Variants in AQR observed in about 807,000 individuals in gnomAD.
AQR encodes aquarius intron-binding spliceosomal factor, also known as RNA helicase aquarius.
AQR carries 61 observed loss-of-function variants against 180.5 expected under a neutral mutation model. The observed-to-expected ratio is 0.34, with a 90% CI of 0.28 to 0.42. The LOEUF (loss-of-function observed/expected upper bound fraction) is 0.42, where lower values mean the gene tolerates loss of function less well. AQR is among the 10% of genes least tolerant of loss of function. The pLI is 1.00. For missense variants in AQR, 1,281 were observed against 1,798.3 expected (o/e 0.71, Z 5.20); for synonymous variants, 551 against 588.8 (o/e 0.94, Z 0.93).
At chr15:34,874,376 T>A (rs575834985) in intron 29 of AQR, 10 of 343,182 alleles carry the variant, frequency 2.9e-5, no homozygotes, top group Non-Finnish European at 5.2e-5. Context: ...ATTTTTAGAT[T>A]TTAAAATTAT....
In AQR at chr15:34,882,656, C is replaced by T; in HGVS notation, c.3028-17G>A. On this transcript the variant is annotated splice_polypyrimidine_tract_variant and intron_variant, in intron 26 of 34. Coordinates refer to ENST00000156471, the MANE Select transcript of AQR (RefSeq NM_014691.3). ...TCTGAATTCCTATGGAAACGAGGAGCAATGAAAGATAATTTTAGGAAAACG... is the reference window on the plus strand; with the variant it reads ...TCTGAATTCCTATGGAAACGAGGAGTAATGAAAGATAATTTTAGGAAAACG... 1 of 1,587,276 alleles carries T rather than the reference C, an allele frequency of 6.3e-7. No individual in the cohort carries two copies.
intron 8 of AQR, 44 bp from the exon 9 acceptor site, chr15:34,938,857 T>A: frequency 7.2e-7 from 1 of 1,386,278 alleles, no homozygotes; most frequent in Non-Finnish European, 1.0e-6. Flanking sequence ...TGAAGAATAG[T>A]CATTTCAAAA....
Position 34,900,629 on chromosome 15 carries a change from G to A in AQR, c.2236C>T (p.Pro746Ser). The A allele has an allele frequency of 6.2e-7, 1 of 1,613,602 alleles. No individual in the cohort carries two copies. The highest frequency in any genetic ancestry group is 1.1e-5 in the South Asian group (1 of 90,992). The change falls in exon 20 of 35, where the codon CCT becomes TCT. Residue 746 changes from proline to serine, a missense_variant. Pro to Ser is a moderately conservative substitution (Grantham distance 74, BLOSUM62 -1). Coordinates refer to ENST00000156471, the MANE Select transcript of AQR (RefSeq NM_014691.3). The stretch of plus-strand genomic sequence containing the variant: ...ACCCAGTTCTGACTTTACCTGAAAG[G>A]GGGTATTTGTAGAGCAGGGTCTTCT... ...TVEDPALQIPPFRITFPVRSG... is the reference protein window; with the variant it reads ...TVEDPALQIPSFRITFPVRSG...
At chr15:34,947,455 T>C (rs1381806365) in intron 5 of AQR, among the ~76,000 whole-genome samples, 2 of 145,620 alleles carry the variant, frequency 1.4e-5, no homozygotes, top group Non-Finnish European at 3.0e-5. Flanking sequence ...TCCACTATTG[T>C]CCTGTGACCC....
chr15:34,873,763 C>A, intron 30 of AQR, 65 bp downstream of exon 30: 1 of 1,345,374 alleles, frequency 7.4e-7, no homozygotes, highest in South Asian at 2.0e-5. Flanking sequence ...TTAAGTATCA[C>A]TGATTTAGGC....
intron 17 of AQR, among the ~76,000 whole-genome samples, chr15:34,908,626 AAAATGT>A (rs1893455042): frequency 6.6e-6 from 1 of 152,154 alleles, no homozygotes; most frequent in African/African-American, 2.4e-5. Context: ...CTTGCCCATC[AAAATGT>A]ACCCTGTCCA....
At chr15:34,879,954 A>G (rs1317789919) in intron 27 of AQR, among the ~76,000 whole-genome samples, 1 of 152,214 alleles carries the variant, frequency 6.6e-6, no homozygotes, top group African/African-American at 2.4e-5. Context: ...CCAGGGACCC[A>G]GGAAAGTAAG....
chr15:34,956,696 GAAAAAAAAAAA>G (rs565202160), intron 3 of AQR, among the ~76,000 whole-genome samples: 4 of 83,370 alleles, frequency 4.8e-5, no homozygotes, highest in Non-Finnish European at 8.7e-5. Flanking sequence ...TAAGAAGTCA[GAAAAAAAAAAA>G]AAAAAAAAAG....
At chr15:34,959,012 TATAG>T (rs1409992939) in intron 3 of AQR, among the ~76,000 whole-genome samples, 1 of 90,230 alleles carries the variant, frequency 1.1e-5, no homozygotes, top group African/African-American at 2.9e-5. Flanking sequence ...TAGATATAGA[TATAG>T]ATATAGATAT....
rs770356308 is a variant in AQR at position 34,874,016 on chromosome 15, T to A, written c.3426-17A>T. On this transcript the variant is annotated splice_polypyrimidine_tract_variant and intron_variant, in intron 29 of 34. Coordinates refer to ENST00000156471, the MANE Select transcript of AQR (RefSeq NM_014691.3). ...TTGCACAAGCTTTCCAAAGACAAATTCCCCCACAAACAGAAAATATTAGCA... is the reference window on the plus strand; with the variant it reads ...TTGCACAAGCTTTCCAAAGACAAATACCCCCACAAACAGAAAATATTAGCA... The A allele has an allele frequency of 7.6e-6, 12 of 1,580,210 alleles. No homozygotes were observed. In the South Asian group the frequency reaches 1.3e-4, roughly 17 times the overall value.
intron 10 of AQR, among the ~76,000 whole-genome samples, chr15:34,933,483 A>G (rs1337373891): frequency 6.6e-6 from 1 of 150,574 alleles, no homozygotes; most frequent in Non-Finnish European, 1.5e-5. Context: ...AAGAATCTTT[A>G]TTTTAAAAAA....
chr15:34,875,860 C>T, intron 28 of AQR, 75 bp downstream of exon 28: 1 of 1,189,068 alleles, frequency 8.4e-7, no homozygotes, highest in Non-Finnish European at 1.2e-6. Flanking sequence ...CACACCCAAA[C>T]TGTACAACTT....
intron 17 of AQR, among the ~76,000 whole-genome samples, chr15:34,908,434 T>TAA (rs777237681): frequency 6.9e-6 from 1 of 143,974 alleles, no homozygotes; most frequent in Non-Finnish European, 1.5e-5. Context: ...AGACTCCGTC[T>TAA]AAAAAAAAAA....
chr15:34,867,374 T>G (rs1171243210), intron 32 of AQR, 150 bp downstream of exon 32: 2 of 634,204 alleles, frequency 3.2e-6, no homozygotes, highest in Non-Finnish European at 5.5e-6. Context: ...TACAAGGAAT[T>G]TGATGTTACA....
At chr15:34,914,330 T>C (rs1893546785) in intron 16 of AQR, among the ~76,000 whole-genome samples, 1 of 152,220 alleles carries the variant, frequency 6.6e-6, no homozygotes, top group Non-Finnish European at 1.5e-5. Flanking sequence ...CAAATTCTTG[T>C]AATGCAGAGC....
chr15:34,919,500 TC>T (rs1893650974), intron 14 of AQR, among the ~76,000 whole-genome samples: 1 of 152,230 alleles, frequency 6.6e-6, no homozygotes, highest in Non-Finnish European at 1.5e-5. Context: ...AAAATTATTT[TC>T]TTTTGTTGGA....
chr15:34,946,885 T>TG (rs1210020386), intron 5 of AQR, among the ~76,000 whole-genome samples: 1,797 of 113,998 alleles, frequency 0.016, 41 homozygotes, highest in African/African-American at 0.055. Context: ...GGGAGGGAGG[T>TG]GGGGGGGGTC....
At chr15:34,902,398 AC>A (rs1396704676) in intron 19 of AQR, among the ~76,000 whole-genome samples, 3 of 152,168 alleles carry the variant, frequency 2.0e-5, no homozygotes, top group Non-Finnish European at 4.4e-5. Flanking sequence ...ACATAATGAA[AC>A]ACCAAAGAAA....
intron 26 of AQR, among the ~76,000 whole-genome samples, chr15:34,883,088 G>A (rs774238921): frequency 2.0e-5 from 3 of 152,136 alleles, no homozygotes; most frequent in Non-Finnish European, 2.9e-5. Flanking sequence ...AATAAAGGTA[G>A]GAAGTGGTAT....
Sources: allele counts gnomAD v4.1 joint callset (sites outside exome capture counted in the v4.1 genomes callset), GRCh38; gene constraint gnomAD v4.1.1; transcripts MANE v1.5; gene names NCBI Gene and HGNC (gene_info 2026-07-23, HGNC 2026-07-21).